CWC27: variants seen among roughly 807,000 people sequenced by gnomAD.
The protein encoded by CWC27 is spliceosome-associated protein CWC27 homolog.
A neutral mutation model predicts 63.6 loss-of-function variants in CWC27; 47 were observed. That is an observed-to-expected ratio of 0.74 (90% CI 0.58 to 0.94). The LOEUF (loss-of-function observed/expected upper bound fraction) is 0.94. CWC27 is among the 40% of genes least tolerant of loss of function. The pLI is 0.00. For synonymous variants in CWC27, 175 were observed against 179.8 expected (o/e 0.97, Z 0.22); for missense variants, 495 against 554.3 (o/e 0.89, Z 1.07).
chr5:64,824,728 CTTTTTT>C (rs768576527), intron 10 of CWC27, among the ~76,000 whole-genome samples: 2 of 91,986 alleles, frequency 2.2e-5, no homozygotes, highest in East Asian at 3.7e-4. Flanking sequence ...TTTCTTTTCT[CTTTTTT>C]TTTTTTTTTT....
intron 11 of CWC27, among the ~76,000 whole-genome samples, chr5:64,927,325 G>A (rs575026786): frequency 5.9e-5 from 9 of 152,228 alleles, no homozygotes; most frequent in African/African-American, 1.7e-4. Context: ...AGATGGTGAC[G>A]TTTATATTGT....
chr5:64,788,919 C>CT (rs11340181), intron 6 of CWC27, 32 bp from the exon 7 acceptor site: 22,610 of 1,215,360 alleles, frequency 0.019, 10 homozygotes, highest in Non-Finnish European at 0.021. Context: ...CTTTCTCTTT[C>CT]TTTTTTTTTT....
intron 2 of CWC27, among the ~76,000 whole-genome samples, chr5:64,775,884 A>C (rs901250442): frequency 6.6e-6 from 1 of 152,020 alleles, no homozygotes; most frequent in Admixed American, 6.6e-5. Context: ...ATTTTTAGAG[A>C]CAGTTTTATT....
chr5:64,862,139 A>G (rs1746426476), intron 10 of CWC27, among the ~76,000 whole-genome samples: 3 of 152,204 alleles, frequency 2.0e-5, no homozygotes, highest in Admixed American at 1.3e-4. Flanking sequence ...TCAAAATGAT[A>G]TCAGCAAACC....
At chr5:64,896,524 G>A (rs959008307) in intron 11 of CWC27, among the ~76,000 whole-genome samples, 24 of 151,970 alleles carry the variant, frequency 1.6e-4, no homozygotes, top group African/African-American at 5.1e-4. Flanking sequence ...AGCATTCTAC[G>A]GCCCTTTTAT....
In CWC27 at chr5:64,774,738, C is replaced by A; in HGVS notation, c.90C>A (p.Ser30=). ...TAGDIDIELW[S]KEAPKACRNF... is the part of the protein sequence containing the mutation. ...GAGATATTGACATAGAGTTGTGGTCCAAAGAAGCTCCTAAAGCTTGCAGAA... is the reference window on the plus strand; with the variant it reads ...GAGATATTGACATAGAGTTGTGGTCAAAAGAAGCTCCTAAAGCTTGCAGAA... The change falls in exon 2 of 14, where the codon TCC becomes TCA. Residue 30 remains serine (S), a synonymous_variant. Transcript: ENST00000381070. 6.2e-7 allele frequency: 1 copy of A among 1,607,860 alleles called. No homozygotes were observed. Among genetic ancestry groups the A allele is most frequent in the Admixed American group, 1.7e-5 (1 of 59,316 alleles).
At chr5:64,781,341 A>G (rs1743680706) in intron 2 of CWC27, among the ~76,000 whole-genome samples, 1 of 152,200 alleles carries the variant, frequency 6.6e-6, no homozygotes, top group Non-Finnish European at 1.5e-5. Flanking sequence ...TTCTAGACCT[A>G]TAACTAATAA....
chr5:64,971,588 G>A, intron 11 of CWC27, 115 bp from the exon 12 acceptor site: 1 of 668,428 alleles, frequency 1.5e-6, no homozygotes, highest in Non-Finnish European at 2.4e-6. Flanking sequence ...AAATTAAATG[G>A]TGAAAAAGCA....
At chr5:65,013,996 T>C (rs1486954815) in intron 13 of CWC27, among the ~76,000 whole-genome samples, 2 of 152,024 alleles carry the variant, frequency 1.3e-5, no homozygotes, top group East Asian at 3.9e-4. Context: ...TATTTCACAA[T>C]TGTGGGAGAA....
chr5:64,913,649 A>G (rs1747835056), intron 11 of CWC27, among the ~76,000 whole-genome samples: 1 of 152,126 alleles, frequency 6.6e-6, no homozygotes, highest in African/African-American at 2.4e-5. Context: ...GAATTAATAT[A>G]CAGACATACA....
intron 9 of CWC27, among the ~76,000 whole-genome samples, chr5:64,803,352 T>G (rs1430989042): frequency 9.2e-5 from 14 of 152,312 alleles, no homozygotes. Flanking sequence ...GGCACTATTC[T>G]AGGAGTTGAA....
chr5:64,903,245 A>G (rs1195997968), intron 11 of CWC27, among the ~76,000 whole-genome samples: 1 of 152,194 alleles, frequency 6.6e-6, no homozygotes, highest in Non-Finnish European at 1.5e-5. Flanking sequence ...TTGCAGCACT[A>G]TTTACAATAG....
At chr5:64,844,293 A>G (rs974923944) in intron 10 of CWC27, among the ~76,000 whole-genome samples, 1 of 152,202 alleles carries the variant, frequency 6.6e-6, no homozygotes, top group African/African-American at 2.4e-5. Context: ...CAGAGGTCAT[A>G]TTGACCAGTG....
chr5:64,851,782 C>A (rs1450842168), intron 10 of CWC27, among the ~76,000 whole-genome samples: 2 of 152,130 alleles, frequency 1.3e-5, no homozygotes, highest in Non-Finnish European at 2.9e-5. Flanking sequence ...AAGTAAAAAT[C>A]TTTACTCATT....
rs190784756 is a variant in CWC27, at chr5:64,878,358, C to G, written c.939-7085C>G. On this transcript the variant is annotated intron_variant, in intron 10 of 13. Transcript: ENST00000381070. Reference sequence around the variant, plus strand: ...ATCATTAATTTTCACAGTTTTAATTCTTTAAATTGCTAATGTAATTTAACA... The same window carrying G: ...ATCATTAATTTTCACAGTTTTAATTGTTTAAATTGCTAATGTAATTTAACA... Among the ~76,000 whole-genome samples, 140 of 148,874 alleles carry G rather than the reference C, an allele frequency of 9.4e-4. No individual in the cohort carries two copies. The East Asian group carries it at 0.023, about 24-fold the overall frequency.
At chr5:64,881,433 A>G (rs1746932740) in intron 10 of CWC27, among the ~76,000 whole-genome samples, 1 of 152,178 alleles carries the variant, frequency 6.6e-6, no homozygotes, top group Non-Finnish European at 1.5e-5. Context: ...TGTTTGCTGT[A>G]TATAGTAGAA....
At chr5:64,959,102 T>A (rs1748856973) in intron 11 of CWC27, among the ~76,000 whole-genome samples, 1 of 152,036 alleles carries the variant, frequency 6.6e-6, no homozygotes, top group Non-Finnish European at 1.5e-5. Flanking sequence ...ATAGAAAAAA[T>A]AAACTTTAGC....
intron 11 of CWC27, among the ~76,000 whole-genome samples, chr5:64,895,312 A>T (rs900676934): frequency 4.6e-4 from 61 of 132,404 alleles, no homozygotes; most frequent in African/African-American, 1.9e-3. Context: ...AAGACCAACA[A>T]CCTAACAGAA....
chr5:64,913,460 C>T (rs1450050946), intron 11 of CWC27, among the ~76,000 whole-genome samples: 3 of 151,852 alleles, frequency 2.0e-5, no homozygotes, highest in African/African-American at 7.3e-5. Context: ...TATGTACATA[C>T]AAAATCCAAA....
Sources: allele counts gnomAD v4.1 joint callset (sites outside exome capture counted in the v4.1 genomes callset), GRCh38; gene constraint gnomAD v4.1.1; transcripts MANE v1.5; gene names NCBI Gene and HGNC (gene_info 2026-07-23, HGNC 2026-07-21).